The following RPL22 variants were observed in gnomAD, a reference collection of about 807,000 sequenced individuals.
RPL22 encodes the protein ribosomal protein L22, also known as large ribosomal subunit protein eL22.
In RPL22, 4 loss-of-function variants were observed where a neutral mutation model predicts 16.2. The ratio of observed to expected loss-of-function variants is 0.25; its 90% CI spans 0.12 to 0.57. RPL22 has a LOEUF of 0.57. Ranked by LOEUF, RPL22 falls within the 20% of genes least tolerant of loss-of-function variation. RPL22 has a pLI of 0.92. For missense variants in RPL22, 83 were observed against 156.1 expected (o/e 0.53, Z 2.49); for synonymous variants, 43 against 54.8 (o/e 0.78, Z 0.95).
chr1:6,189,246 A>G (rs1026171422), intron 3 of RPL22, among the ~76,000 whole-genome samples: 1 of 152,186 alleles, frequency 6.6e-6, no homozygotes, highest in Non-Finnish European at 1.5e-5. Flanking sequence ...CAACAAAGCA[A>G]TCGCCACAAA....
chr1:6,188,908 C>T (rs968926996), intron 3 of RPL22, among the ~76,000 whole-genome samples: 1 of 152,116 alleles, frequency 6.6e-6, no homozygotes, highest in African/African-American at 2.4e-5. Context: ...GCCTCAGCCT[C>T]CCGAGTAGCT....
rs1286890681 is a variant in RPL22 at position 6,185,492 on chromosome 1, G to A, written c.*1180C>T. 2.5e-6 allele frequency: 1 copy of A among 397,206 alleles called. No homozygotes were observed. The highest frequency in any genetic ancestry group is 4.4e-6 in the Non-Finnish European group (1 of 225,340). 24.6% of individuals were successfully genotyped at this position (397,206 alleles called of 1,614,324 possible). A position where few individuals can be genotyped will look rare whatever the true frequency, so the allele number is the denominator to read the frequency against. ...CAACTCAATCCACAGAGCACCAAAT[G>A]TTTAATGGGAGCCAAGGTAGGACTG... On this transcript the variant is annotated 3_prime_UTR_variant, in exon 4 of 4. Transcript: ENST00000234875.
At chr1:6,192,849 G>T in intron 3 of RPL22, 81 bp downstream of exon 3, 1 of 1,548,354 alleles carries the variant, frequency 6.5e-7, no homozygotes, top group Non-Finnish European at 8.8e-7. Flanking sequence ...ATCACTCTGC[G>T]GGTGCCCCCA....
At chr1:6,186,866 C>T in intron 3 of RPL22, 50 bp from the exon 4 acceptor site, 1 of 1,598,896 alleles carries the variant, frequency 6.3e-7, no homozygotes, top group Non-Finnish European at 8.5e-7. Context: ...TGCTTGCATT[C>T]TAAAACATTT....
At chr1:6,186,969 C>A (rs928907813) in intron 3 of RPL22, among the ~76,000 whole-genome samples, 153 bp from the exon 4 acceptor site, 2 of 152,210 alleles carry the variant, frequency 1.3e-5, no homozygotes, top group Non-Finnish European at 2.9e-5. Context: ...ATACACCCAG[C>A]CAAGGCTCTG....
Position 6,196,450 on chromosome 1 carries a change from G to T in RPL22, c.117+1202C>A, listed in dbSNP as rs12116884. ...TACATAAAGGCAATAAACTATAAGA[G>T]GTTACCTAAATTCCATTCTGGATAA... On this transcript the variant is annotated intron_variant, in intron 2 of 3. Transcript: ENST00000234875. Among the ~76,000 whole-genome samples, 677 of 152,218 alleles carry T rather than the reference G, an allele frequency of 4.4e-3. 2 individuals are homozygous for T. The highest frequency in any genetic ancestry group is 0.02 in the Middle Eastern group (6 of 294).
rs768214471 is a variant in RPL22 at position 6,186,642 on chromosome 1, C to T, written c.*30G>A. On this transcript the variant is annotated 3_prime_UTR_variant, in exon 4 of 4. Transcript: ENST00000234875. ...TTGGTTCCCAAGTTTTATTCAAGAA[C>T]TCATACAAAATTTTCCAGATAAATG... The T allele has an allele frequency of 1.2e-5, 17 of 1,422,988 alleles. No individual in the cohort carries two copies. The Admixed American group carries it at 2.1e-4, about 17-fold the overall frequency. 88.1% of individuals were successfully genotyped at this position (1,422,988 alleles called of 1,614,324 possible).
Position 6,199,567 on chromosome 1 carries a change from G to A in RPL22, c.7C>T (p.Pro3Ser), listed in dbSNP as rs1667768367. 6.4e-7 allele frequency: 1 copy of A among 1,567,942 alleles called. No homozygotes were observed. The highest frequency in any genetic ancestry group is 8.6e-7 in the Non-Finnish European group (1 of 1,156,556). MAPVKKLVVKGGK... is the reference protein window; with the variant it reads MASVKKLVVKGGK... ...TCACGCGGAGCCATACTAACCACAG[G>A]AGCCATGGCGGCAGCGGAGTTAGAA... is the stretch of plus-strand genomic sequence containing the variant. Residue 3 changes from proline to serine, a missense_variant, in exon 1 of 4, where the codon CCT (proline) becomes TCT (serine). Pro to Ser is a moderately conservative substitution (Grantham distance 74). Transcript: ENST00000234875.
chr1:6,192,443 A>C (rs1288856341), intron 3 of RPL22, among the ~76,000 whole-genome samples: 1 of 152,150 alleles, frequency 6.6e-6, no homozygotes, highest in Non-Finnish European at 1.5e-5. Context: ...CAGGCCTATA[A>C]TCCCAGCACT....
chr1:6,196,491 A>G (rs1667719880), intron 2 of RPL22, among the ~76,000 whole-genome samples: 1 of 152,218 alleles, frequency 6.6e-6, no homozygotes, highest in Non-Finnish European at 1.5e-5. Flanking sequence ...GACCATAATT[A>G]TTTTGTGTTT....
Position 6,185,156 on chromosome 1 carries a change from TTTTTC to T in RPL22, c.*1511_*1515del, listed in dbSNP as rs1294889859. Reference sequence around the variant, plus strand: ...TTTTCAAATCTGGGACTAGTTTCTTTTTTTCTTTTAACTGAAATGCCAACTTCAGC... The same window carrying T: ...TTTTCAAATCTGGGACTAGTTTCTTTTTTTAACTGAAATGCCAACTTCAGC... On this transcript the variant is annotated 3_prime_UTR_variant, in exon 4 of 4. Transcript: ENST00000234875. 2.5e-6 allele frequency: 1 copy of T among 395,318 alleles called. No homozygotes were observed. The highest frequency in any genetic ancestry group is 4.5e-6 in the Non-Finnish European group (1 of 224,686). The allele number at this position is 395,318 out of a possible 1,614,324, so 24.5% of individuals were successfully genotyped here.
chr1:6,194,455 C>T (rs1006378436), intron 2 of RPL22, among the ~76,000 whole-genome samples: 1 of 152,218 alleles, frequency 6.6e-6, no homozygotes, highest in African/African-American at 2.4e-5. Flanking sequence ...TGGGCCTCAG[C>T]AAGACATTCA....
chr1:6,198,428 G>C (rs540125744), intron 1 of RPL22: 3 of 152,208 alleles, frequency 2.0e-5, no homozygotes, highest in Non-Finnish European at 4.4e-5. Context: ...CAAACCACCC[G>C]GCAAAGCACA....
chr1:6,193,136 A>G lies in RPL22; in HGVS notation c.118-82T>C, dbSNP rs1667672972. On this transcript the variant is annotated intron_variant, in intron 2 of 3. Transcript: ENST00000234875. ...TATTTTATCTGTCTCCCAACACTGA[A>G]CTAATATCATTTTTTGTTTTGGTTT... The G allele has an allele frequency of 1.3e-5, 20 of 1,521,796 alleles. No homozygotes were observed. In the South Asian group the frequency reaches 2.3e-4, roughly 18 times the overall value. 94.3% of individuals were successfully genotyped at this position (1,521,796 alleles called of 1,614,324 possible).
intron 3 of RPL22, among the ~76,000 whole-genome samples, chr1:6,187,995 C>T (rs1667603313): frequency 6.6e-6 from 1 of 152,214 alleles, no homozygotes; most frequent in Admixed American, 6.5e-5. Flanking sequence ...AGTCAGCCTG[C>T]CCAATTGCTG....
chr1:6,189,909 A>G (rs963136082), intron 3 of RPL22, among the ~76,000 whole-genome samples: 3 of 152,228 alleles, frequency 2.0e-5, no homozygotes, highest in Admixed American at 6.5e-5. Context: ...CAAGAAGATC[A>G]AAACTCGTTT....
intron 3 of RPL22, among the ~76,000 whole-genome samples, chr1:6,188,571 CCA>C (rs1186092431): frequency 2.6e-5 from 4 of 151,766 alleles, no homozygotes; most frequent in Non-Finnish European, 5.9e-5. Context: ...ATGAAGTGCA[CCA>C]CAGTCTTGGC....
intron 3 of RPL22, among the ~76,000 whole-genome samples, chr1:6,192,168 G>A (rs1254121382): frequency 6.6e-6 from 1 of 151,896 alleles, no homozygotes; most frequent in Non-Finnish European, 1.5e-5. Context: ...TCCCACTTCA[G>A]CTCCCCAAGT....
Position 6,191,466 on chromosome 1 carries a change from G to A in RPL22, c.242+1464C>T, listed in dbSNP as rs1363309280. Among the ~76,000 whole-genome samples the A allele has an allele frequency of 3.4e-5, 5 of 147,766 alleles. No individual in the cohort carries two copies. In the South Asian group the frequency reaches 1.1e-3, roughly 32 times the overall value. ...GCGGATCACGAGGTCAGGAGATCGA[G>A]ACCATCCTGGCTAACACGGTGAAAC... On this transcript the variant is annotated intron_variant, in intron 3 of 3. Coordinates refer to ENST00000234875, the MANE Select transcript of RPL22 (RefSeq NM_000983.4).
Sources: allele counts gnomAD v4.1 joint callset (sites outside exome capture counted in the v4.1 genomes callset), GRCh38; gene constraint gnomAD v4.1.1; transcripts MANE v1.5; gene names NCBI Gene and HGNC (gene_info 2026-07-23, HGNC 2026-07-21).